The following BBS9 variants were observed in gnomAD, a reference collection of about 807,000 sequenced individuals.
The protein encoded by BBS9 is protein PTHB1.
BBS9 carries 89 observed loss-of-function variants against 117.7 expected under a neutral mutation model. The observed-to-expected ratio is 0.76, with a 90% CI of 0.64 to 0.90. The LOEUF is 0.90. BBS9 is among the 40% of genes least tolerant of loss of function. The pLI, the probability that BBS9 is intolerant of heterozygous loss-of-function variation, is 0.00. For missense variants in BBS9, 982 were observed against 1,042.2 expected (o/e 0.94, Z 0.80); for synonymous variants, 379 against 370.9 (o/e 1.02, Z -0.25).
intron 20 of BBS9, among the ~76,000 whole-genome samples, chr7:33,526,394 C>T (rs1471999836): frequency 3.3e-5 from 5 of 152,188 alleles, no homozygotes; most frequent in South Asian, 2.1e-4. Flanking sequence ...ACCAATCAGA[C>T]GTAGATTTGG....
At chr7:33,485,601 G>A (rs897532232) in intron 19 of BBS9, among the ~76,000 whole-genome samples, 2 of 152,036 alleles carry the variant, frequency 1.3e-5, no homozygotes, top group Admixed American at 1.3e-4. Context: ...GAGCCACTGC[G>A]CTTGGCCAAA....
chr7:33,262,753 C>A (rs549694654), intron 6 of BBS9, among the ~76,000 whole-genome samples: 1 of 152,260 alleles, frequency 6.6e-6, no homozygotes, highest in African/African-American at 2.4e-5. Context: ...CTGCTGCATG[C>A]CTTTGCATTT....
intron 20 of BBS9, among the ~76,000 whole-genome samples, chr7:33,515,896 T>C (rs1585087092): frequency 6.6e-6 from 1 of 152,372 alleles, no homozygotes; most frequent in South Asian, 2.1e-4. Flanking sequence ...AGTTCAACTT[T>C]ATACTTCTAA....
chr7:33,229,893 C>A (rs954368150), intron 5 of BBS9, among the ~76,000 whole-genome samples: 1 of 151,986 alleles, frequency 6.6e-6, no homozygotes, highest in Non-Finnish European at 1.5e-5. Flanking sequence ...ACAAGAGTTC[C>A]CCTTTCTCTA....
In BBS9 at chr7:33,601,283, TG is replaced by T. The variant is rs1014919037; in HGVS notation, c.2522-3581del. 6.6e-5 allele frequency among the ~76,000 whole-genome samples: 10 copies of T among 152,048 alleles called. 1 individual carries two copies. Among genetic ancestry groups the T allele is most frequent in the Non-Finnish European group, 1.3e-4 (9 of 68,012 alleles). On this transcript the variant is annotated intron_variant, in intron 21 of 22. Coordinates refer to ENST00000242067, the MANE Select transcript of BBS9 (RefSeq NM_198428.3). ...GCCTGCAGTTCTGCTTGTCCTTGCC[TG>T]AGGGCTCATTTGTGTCACACTTGCC... is the stretch of plus-strand genomic sequence containing the variant.
intron 19 of BBS9, among the ~76,000 whole-genome samples, chr7:33,434,924 G>C (rs1209809748): frequency 6.6e-6 from 1 of 152,040 alleles, no homozygotes; most frequent in African/African-American, 2.4e-5. Context: ...CAAAGAAAAT[G>C]TTTAAATTAA....
At chr7:33,182,173 C>T (rs937805511) in intron 5 of BBS9, among the ~76,000 whole-genome samples, 13 of 152,182 alleles carry the variant, frequency 8.5e-5, no homozygotes, top group African/African-American at 3.1e-4. Flanking sequence ...ATTTCCATGC[C>T]TTCTTATAAT....
chr7:33,393,944 C>G (rs1179062796), intron 19 of BBS9, among the ~76,000 whole-genome samples: 1 of 152,086 alleles, frequency 6.6e-6, no homozygotes, highest in East Asian at 1.9e-4. Context: ...TTTCCTGTAT[C>G]CTGTATAGGA....
At chr7:33,220,438 A>C (rs1358293656) in intron 5 of BBS9, among the ~76,000 whole-genome samples, 1 of 152,210 alleles carries the variant, frequency 6.6e-6, no homozygotes, top group South Asian at 2.1e-4. Context: ...GTCGACCCGC[A>C]CCTGAGATTT....
At chr7:33,333,953 T>C (rs573734405) in intron 9 of BBS9, among the ~76,000 whole-genome samples, 52 of 152,168 alleles carry the variant, frequency 3.4e-4, no homozygotes, top group Admixed American at 9.8e-4. Flanking sequence ...AGTAAATTGC[T>C]TAAGTTCTAT....
chr7:33,526,461 T>C (rs1016072853), intron 20 of BBS9, among the ~76,000 whole-genome samples: 1 of 151,988 alleles, frequency 6.6e-6, no homozygotes, highest in African/African-American at 2.4e-5. Flanking sequence ...TTTATTCTTT[T>C]TTCTCTAAAC....
chr7:33,487,599 C>A (rs2128987638), intron 19 of BBS9, among the ~76,000 whole-genome samples: 1 of 152,306 alleles, frequency 6.6e-6, no homozygotes, highest in Middle Eastern at 3.4e-3. Context: ...GGCCTGTGTT[C>A]TTTGCATGAT....
chr7:33,141,451 G>A (rs1013436562), intron 1 of BBS9, among the ~76,000 whole-genome samples: 9 of 151,968 alleles, frequency 5.9e-5, no homozygotes, highest in African/African-American at 2.2e-4. Flanking sequence ...CTGCAGCCTC[G>A]AACTCCTGGG....
chr7:33,166,626 T>C (rs1180894538), intron 4 of BBS9, among the ~76,000 whole-genome samples: 1 of 152,202 alleles, frequency 6.6e-6, no homozygotes, highest in Non-Finnish European at 1.5e-5. Context: ...ACTGCTGCGC[T>C]AGTAGTGAGC....
intron 19 of BBS9, among the ~76,000 whole-genome samples, chr7:33,423,690 A>G (rs1833218517): frequency 6.6e-6 from 1 of 152,230 alleles, no homozygotes; most frequent in Admixed American, 6.5e-5. Context: ...TGAGCATACC[A>G]GGACATTTCG....
intron 21 of BBS9, among the ~76,000 whole-genome samples, chr7:33,585,106 A>G (rs1216159707): frequency 1.3e-5 from 2 of 151,992 alleles, no homozygotes; most frequent in African/African-American, 2.4e-5. Flanking sequence ...TCTCCTTTGT[A>G]ATTATATGCT....
intron 20 of BBS9, among the ~76,000 whole-genome samples, chr7:33,510,842 A>G (rs148013532): frequency 4.5e-4 from 68 of 152,308 alleles, no homozygotes; most frequent in African/African-American, 1.6e-3. Context: ...AAAACATCTT[A>G]TCAGTTGAGT....
In BBS9 at chr7:33,528,267, T is replaced by A. The variant is rs2129052565; in HGVS notation, c.2299-5687T>A. Among the ~76,000 whole-genome samples, 2 of 152,360 alleles carry A rather than the reference T, an allele frequency of 1.3e-5. 1 individual carries two copies. The highest frequency in any genetic ancestry group is 4.1e-4 in the South Asian group (2 of 4,826). ...GGCCATTTCTGAGAGTCTTCTCTTT[T>A]CACTTGAAATCTGGACTCCTGCCAC... On this transcript the variant is annotated intron_variant, in intron 20 of 22. Transcript: ENST00000242067.
In BBS9 at chr7:33,405,823, G is replaced by T. The variant is rs200050766; in HGVS notation, c.2115+17679G>T. 0.02 allele frequency among the ~76,000 whole-genome samples: 2,971 copies of T among 152,030 alleles called. 188 individuals carry two copies. The East Asian group carries it at 0.26, about 13-fold the overall frequency. On this transcript the variant is annotated intron_variant, in intron 19 of 22. Transcript: ENST00000242067. ...CCTGGATTCATTAATTTTTTGAAGG[G>T]TTTTTTGTGTCTCTATTTCCTTCAG...
Sources: allele counts gnomAD v4.1 joint callset (sites outside exome capture counted in the v4.1 genomes callset), GRCh38; gene constraint gnomAD v4.1.1; transcripts MANE v1.5; gene names NCBI Gene and HGNC (gene_info 2026-07-23, HGNC 2026-07-21).